Variants in RNF157 observed in about 807,000 individuals in gnomAD.
RNF157 encodes the protein ring finger protein 157.
Under a neutral mutation model 88.3 loss-of-function variants are expected in RNF157, and 55 were observed. That is an observed-to-expected ratio of 0.62 (90% CI 0.50 to 0.78). RNF157 has a LOEUF of 0.78. Ranked by LOEUF, RNF157 falls within the 30% of genes least tolerant of loss-of-function variation. The pLI is 0.00. For missense variants in RNF157, 788 were observed against 860.8 expected (o/e 0.92, Z 1.06); for synonymous variants, 334 against 341.2 (o/e 0.98, Z 0.23).
Position 76,143,038 on chromosome 17 carries a change from GCTGA to G in RNF157, c.*2193_*2196del, listed in dbSNP as rs1193999247. 1.3e-5 allele frequency: 2 copies of G among 152,266 alleles called. No homozygotes were observed. Among genetic ancestry groups the G allele is most frequent in the African/African-American group, 2.4e-5 (1 of 41,440 alleles). The allele number at this position is 152,266 out of a possible 1,614,324, so 9.4% of individuals were successfully genotyped here. A position where few individuals can be genotyped will look rare whatever the true frequency, so the allele number is the denominator to read the frequency against. On this transcript the variant is annotated 3_prime_UTR_variant, in exon 19 of 19. Coordinates refer to ENST00000269391, the MANE Select transcript of RNF157 (RefSeq NM_052916.3). ...TTGGCCACTGACCTGTCCTCATCAG[GCTGA>G]CTGAGGACCAGCTCCTTGGATGGAG...
chr17:76,157,030 G>A lies in RNF157; in HGVS notation c.1414-709C>T, dbSNP rs567253516. Among the ~76,000 whole-genome samples, 107 of 151,570 alleles carry A rather than the reference G, an allele frequency of 7.1e-4. No individual in the cohort carries two copies. The highest frequency in any genetic ancestry group is 1.4e-3 in the Non-Finnish European group (92 of 67,886). On this transcript the variant is annotated intron_variant, in intron 13 of 18. Coordinates refer to ENST00000269391, the MANE Select transcript of RNF157 (RefSeq NM_052916.3). The surrounding 1 kb of genome is among the most constrained non-coding windows in gnomAD (Gnocchi z 5.6). ...AGCCCAGGCTGGAGTGCAGTGGTGC[G>A]GTCTTGGCTCACTGCAACCCCTGCC...
In RNF157 at chr17:76,145,125, G is replaced by T; in HGVS notation, c.*110C>A. The T allele has an allele frequency of 1.5e-6, 1 of 668,022 alleles. No individual in the cohort carries two copies. Among genetic ancestry groups the T allele is most frequent in the East Asian group, 2.7e-5 (1 of 36,550 alleles). The allele number at this position is 668,022 out of a possible 1,614,324, so 41.4% of individuals were successfully genotyped here. A position where few individuals can be genotyped will look rare whatever the true frequency, so the allele number is the denominator to read the frequency against. ...GTTACAGGTTGTAACAGCTGTCACA[G>T]GAGGGTAAAAAGTCTCCAGCATCTT... On this transcript the variant is annotated 3_prime_UTR_variant, in exon 19 of 19. Coordinates refer to ENST00000269391, the MANE Select transcript of RNF157 (RefSeq NM_052916.3).
chr17:76,162,253 T>C, intron 9 of RNF157: 1 of 575,334 alleles, frequency 1.7e-6, no homozygotes, highest in Non-Finnish European at 3.1e-6. Flanking sequence ...GAGCTGGGCC[T>C]CTCAAATCTC....
chr17:76,215,656 CT>C (rs2069877052), intron 1 of RNF157, among the ~76,000 whole-genome samples: 1 of 151,898 alleles, frequency 6.6e-6, no homozygotes, highest in African/African-American at 2.4e-5. Flanking sequence ...TTAAAACTTT[CT>C]ACACAAGGAG....
intron 1 of RNF157, among the ~76,000 whole-genome samples, chr17:76,215,861 T>C (rs946853772): frequency 6.6e-6 from 1 of 152,190 alleles, no homozygotes; most frequent in Non-Finnish European, 1.5e-5. Context: ...AGCCATCTGA[T>C]ACAGTGATAC....
At chr17:76,232,926 A>ATTT (rs34189763) in intron 1 of RNF157, among the ~76,000 whole-genome samples, 3 of 147,572 alleles carry the variant, frequency 2.0e-5, no homozygotes, top group Non-Finnish European at 1.5e-5. Flanking sequence ...AATCTCGCAT[A>ATTT]TTTTTTTTTT....
intron 14 of RNF157, 115 bp from the exon 15 acceptor site, chr17:76,155,849 A>G (rs2068755045): frequency 2.2e-6 from 2 of 915,868 alleles, no homozygotes; most frequent in African/African-American, 1.7e-5. Context: ...AAGTGGCCGT[A>G]TCTTGCCCTC....
intron 1 of RNF157, chr17:76,226,430 A>T: frequency 6.3e-7 from 1 of 1,596,868 alleles, no homozygotes; most frequent in Non-Finnish European, 8.6e-7. Flanking sequence ...CTCCTGGACT[A>T]GGGGGGCAAA....
chr17:76,181,598 G>C (rs137922762), intron 2 of RNF157, among the ~76,000 whole-genome samples: 1 of 151,966 alleles, frequency 6.6e-6, no homozygotes, highest in Non-Finnish European at 1.5e-5. Context: ...AAAATATGGC[G>C]ACTTCTTCAC....
chr17:76,155,374 C>G (rs2068746977), intron 15 of RNF157, 57 bp from the exon 16 acceptor site: 3 of 1,572,496 alleles, frequency 1.9e-6, no homozygotes, highest in Non-Finnish European at 2.6e-6. Context: ...GACAGCAAAC[C>G]CAAACCTTCT....
chr17:76,192,853 T>C lies in RNF157; in HGVS notation c.208-19063A>G, dbSNP rs537838158. 7.9e-5 allele frequency among the ~76,000 whole-genome samples: 12 copies of C among 151,532 alleles called. No homozygotes were observed. The East Asian group carries it at 2.3e-3, about 29-fold the overall frequency. On this transcript the variant is annotated intron_variant, in intron 2 of 18. Transcript: ENST00000269391. ...CCCACTTTCTTTCCTTTTTTTTTTT[T>C]TTTTTTGAGACAGCATCCGCTCTCT...
At chr17:76,235,731 G>A (rs2070272214) in intron 1 of RNF157, among the ~76,000 whole-genome samples, 1 of 151,720 alleles carries the variant, frequency 6.6e-6, no homozygotes, top group African/African-American at 2.4e-5. Flanking sequence ...ATCTATGGCT[G>A]GGTACGGTAG....
chr17:76,190,654 T>C (rs2069369647), intron 2 of RNF157, among the ~76,000 whole-genome samples: 1 of 147,984 alleles, frequency 6.8e-6, no homozygotes, highest in Admixed American at 6.8e-5. Flanking sequence ...GCGTGATGGC[T>C]CACGCCTGTA....
At chr17:76,232,065 T>G (rs964338749) in intron 1 of RNF157, among the ~76,000 whole-genome samples, 1 of 152,172 alleles carries the variant, frequency 6.6e-6, no homozygotes, top group African/African-American at 2.4e-5. Context: ...TTGTATAGCA[T>G]GTATCAGTAG....
At chr17:76,211,570 T>C (rs546701227) in intron 2 of RNF157, among the ~76,000 whole-genome samples, 2 of 152,240 alleles carry the variant, frequency 1.3e-5, no homozygotes, top group Admixed American at 6.5e-5. Context: ...GAAAAATGTA[T>C]ATAAAACCCT....
At chr17:76,150,566 G>T (rs2144796607) in intron 18 of RNF157, among the ~76,000 whole-genome samples, 1 of 152,298 alleles carries the variant, frequency 6.6e-6, no homozygotes, top group East Asian at 1.9e-4. Flanking sequence ...CTCTCCTAAA[G>T]CCAAGTAAGG....
chr17:76,228,966 C>T (rs918537454), intron 1 of RNF157, among the ~76,000 whole-genome samples: 1 of 151,904 alleles, frequency 6.6e-6, no homozygotes, highest in Non-Finnish European at 1.5e-5. Context: ...CACTCACCCA[C>T]CCACTCACCC....
intron 2 of RNF157, among the ~76,000 whole-genome samples, chr17:76,205,765 T>A (rs958160316): frequency 5.7e-5 from 8 of 140,736 alleles, no homozygotes; most frequent in Non-Finnish European, 9.1e-5. Flanking sequence ...ATAAATAAAA[T>A]AATAATGCCA....
intron 2 of RNF157, among the ~76,000 whole-genome samples, chr17:76,179,657 C>T (rs71382200): frequency 0.1 from 15,435 of 151,930 alleles, 982 homozygotes; most frequent in African/African-American, 0.17. Flanking sequence ...CATGCCACTG[C>T]ACTCCAGCCT....
Sources: allele counts gnomAD v4.1 joint callset (sites outside exome capture counted in the v4.1 genomes callset), GRCh38; gene constraint gnomAD v4.1.1; non-coding constraint Gnocchi (gnomAD v3.1); transcripts MANE v1.5; gene names NCBI Gene and HGNC (gene_info 2026-07-23, HGNC 2026-07-21).